BTBD8: variants seen among roughly 807,000 people sequenced by gnomAD.
The protein encoded by BTBD8 is BTB domain containing 8.
In BTBD8, 110 loss-of-function variants were observed where a neutral mutation model predicts 162.9. The observed-to-expected ratio is 0.68, with a 90% CI of 0.58 to 0.79. The LOEUF (loss-of-function observed/expected upper bound fraction) is 0.79, where lower values mean the gene tolerates loss of function less well. Among genes scored for constraint, BTBD8 ranks in the 30% least tolerant of loss-of-function variants. The pLI, the probability that BTBD8 is intolerant of heterozygous loss-of-function variation, is 0.00. For synonymous variants in BTBD8, 667 were observed against 716.1 expected, an observed-to-expected ratio of 0.93 and a Z score of 1.10; for missense variants, 1,905 against 2,085.4, an observed-to-expected ratio of 0.91 and a Z score of 1.68.
chr1:92,097,574 C>T (rs1290448911), intron 2 of BTBD8, among the ~76,000 whole-genome samples: 1 of 152,150 alleles, frequency 6.6e-6, no homozygotes, highest in Non-Finnish European at 1.5e-5. Flanking sequence ...TGGTGAACAA[C>T]CTACTTTCTG....
chr1:92,120,388 C>A (rs188679023), intron 4 of BTBD8, among the ~76,000 whole-genome samples: 4 of 152,230 alleles, frequency 2.6e-5, no homozygotes, highest in Admixed American at 2.6e-4. Flanking sequence ...TCCTAACATG[C>A]CTTCTTCTGG....
Position 92,102,535 on chromosome 1 carries a change from T to C in BTBD8, c.410T>C (p.Ile137Thr), listed in dbSNP as rs1335974976. ...NYEEEILRKK[I>T]MEIGISQKQL... ...GAAGAGGAAATTCTTAGGAAAAAGA[T>C]AATGGAGATTGGGATATCACAAAAG... The change falls in exon 3 of 18, where the codon ATA becomes ACA. Residue 137 changes from isoleucine (I) to threonine (T), a missense_variant. This residue lies in a region of BTBD8 where 1,374 missense variants were observed against 1,442.7 expected (regional missense o/e 0.95). Coordinates refer to ENST00000636805, the MANE Select transcript of BTBD8 (RefSeq NM_001376131.1). 6.3e-7 allele frequency: 1 copy of C among 1,583,620 alleles called. No individual in the cohort carries two copies. The highest frequency in any genetic ancestry group is 1.8e-5 in the Admixed American group (1 of 56,212).
intron 2 of BTBD8, among the ~76,000 whole-genome samples, chr1:92,100,611 T>C (rs1370470540): frequency 6.6e-6 from 1 of 151,998 alleles, no homozygotes; most frequent in East Asian, 1.9e-4. Flanking sequence ...ATTATTATTA[T>C]TATTATTATT....
intron 9 of BTBD8, among the ~76,000 whole-genome samples, chr1:92,166,348 T>G (rs1299899905): frequency 6.6e-6 from 1 of 152,076 alleles, no homozygotes; most frequent in Non-Finnish European, 1.5e-5. Flanking sequence ...AGTGATAATC[T>G]TAGGGAACTC....
chr1:92,085,130 A>G (rs956395759), intron 1 of BTBD8, among the ~76,000 whole-genome samples: 2 of 152,194 alleles, frequency 1.3e-5, no homozygotes, highest in African/African-American at 4.8e-5. Context: ...CTATACTATA[A>G]ACTCCCTGAG....
rs1203745183 is a variant in BTBD8, at chr1:92,080,629, G to T, written c.58G>T (p.Val20Phe). 2 of 1,613,934 alleles carry T rather than the reference G, an allele frequency of 1.2e-6. No homozygotes were observed. The highest frequency in any genetic ancestry group is 2.7e-5 in the African/African-American group (2 of 74,942). Reference sequence around the variant, plus strand: ...CATGGTACTTCTGGGGTCCGCTGGAGTTTGCAGTAAGGGGTTGCAAAGGAA... The same window carrying T: ...CATGGTACTTCTGGGGTCCGCTGGATTTTGCAGTAAGGGGTTGCAAAGGAA... ...APMVLLGSAG[V>F]CSKGLQRKGP... is the part of the protein sequence containing the mutation. Residue 20 changes from valine (V) to phenylalanine (F), a missense_variant, in exon 1 of 18, where the codon GTT becomes TTT. Coordinates refer to ENST00000636805, the MANE Select transcript of BTBD8 (RefSeq NM_001376131.1).
intron 13 of BTBD8, among the ~76,000 whole-genome samples, chr1:92,176,470 T>G (rs544777797): frequency 2.6e-5 from 4 of 152,206 alleles, no homozygotes; most frequent in Non-Finnish European, 5.9e-5. Context: ...AACATGGGAG[T>G]AAGCCTTCTA....
At position 92,109,641 on chromosome 1, in the gene BTBD8, T is replaced by A. The variant is rs184571797; in HGVS notation, c.662+1640T>A. On this transcript the variant is annotated intron_variant, in intron 4 of 17. Transcript: ENST00000636805. ...TTTCTTGCCCTTATGTAAGTTAGAA[T>A]AGCCAATTTTAAATTATAAGGTTAC... 1.9e-3 allele frequency among the ~76,000 whole-genome samples: 295 copies of A among 152,350 alleles called. 2 individuals carry two copies. In the Middle Eastern group the frequency reaches 0.037, roughly 19 times the overall value.
At chr1:92,126,353 C>A in intron 4 of BTBD8, 8 of 616,114 alleles carry the variant, frequency 1.3e-5, no homozygotes, top group South Asian at 9.5e-5. Context: ...TTGTACATGG[C>A]CCCTTGAAGT....
chr1:92,084,084 G>T (rs1372406690), intron 1 of BTBD8, among the ~76,000 whole-genome samples: 1 of 152,134 alleles, frequency 6.6e-6, no homozygotes, highest in Non-Finnish European at 1.5e-5. Flanking sequence ...AAAGAGCCAA[G>T]TTATTCCTTC....
intron 7 of BTBD8, 21 bp downstream of exon 7, chr1:92,141,232 A>C (rs1322444295): frequency 6.4e-7 from 1 of 1,569,808 alleles, no homozygotes; most frequent in Admixed American, 1.8e-5. Flanking sequence ...AGCCTCAGAA[A>C]TCTTTTATCC....
intron 4 of BTBD8, among the ~76,000 whole-genome samples, chr1:92,111,126 G>C (rs1463294394): frequency 6.6e-6 from 1 of 151,666 alleles, no homozygotes; most frequent in Non-Finnish European, 1.5e-5. Context: ...CGAGTAGCTG[G>C]GTTTACAGGC....
chr1:92,107,768 A>C (rs1329933244), intron 3 of BTBD8, 116 bp from the exon 4 acceptor site: 3 of 763,590 alleles, frequency 3.9e-6, no homozygotes, highest in Non-Finnish European at 6.2e-6. Flanking sequence ...TTTACCACTT[A>C]CATATTCCAA....
rs1402319892 is a variant in BTBD8 at position 92,107,959 on chromosome 1, A to G, written c.620A>G (p.Asp207Gly). The G allele has an allele frequency of 6.2e-7, 1 of 1,613,964 alleles. No homozygotes were observed. Among genetic ancestry groups the G allele is most frequent in the Non-Finnish European group, 8.5e-7 (1 of 1,179,978 alleles). Residue 207 changes from aspartate to glycine, a missense_variant, in exon 4 of 18, where the codon GAT becomes GGT. Asp to Gly is a moderately conservative substitution (Grantham distance 94). Coordinates refer to ENST00000636805, the MANE Select transcript of BTBD8 (RefSeq NM_001376131.1). ...LKLYVKPCCP[D>G]IDIFVDGKRF... ...CTTTATGTGAAACCTTGTTGCCCAGATATTGATATTTTTGTTGATGGAAAA... is the reference window on the plus strand; with the variant it reads ...CTTTATGTGAAACCTTGTTGCCCAGGTATTGATATTTTTGTTGATGGAAAA...
intron 4 of BTBD8, among the ~76,000 whole-genome samples, chr1:92,122,269 T>G: frequency 6.6e-6 from 1 of 151,920 alleles, no homozygotes; most frequent in East Asian, 1.9e-4. Flanking sequence ...ATTATTATTT[T>G]TTTTTTTTGA....
Position 92,080,563 on chromosome 1 carries a change from C to T in BTBD8, c.-9C>T. On this transcript the variant is annotated 5_prime_UTR_variant, in exon 1 of 18. Transcript: ENST00000636805. ...ACTGGGCCTCCAGGGCGTCGTACCT[C>T]TGTGAGACATGGCTCGCTGTGGGGA... The T allele has an allele frequency of 6.2e-7, 1 of 1,613,694 alleles. No homozygotes were observed. The highest frequency in any genetic ancestry group is 8.5e-7 in the Non-Finnish European group (1 of 1,179,846).
In BTBD8 at chr1:92,174,991, C is replaced by A. The variant is rs557078022; in HGVS notation, c.1636-1838C>A. 7.9e-5 allele frequency among the ~76,000 whole-genome samples: 12 copies of A among 152,214 alleles called. No homozygotes were observed. The South Asian group carries it at 2.5e-3, about 32-fold the overall frequency. On this transcript the variant is annotated intron_variant, in intron 13 of 17. Transcript: ENST00000636805. ...ATATTTAAAAATAGACCTTAAACTG[C>A]ATATCAAAATATGCAATATATGCCC...
chr1:92,143,511 G>GTATT (rs1247547731), intron 7 of BTBD8, among the ~76,000 whole-genome samples: 1 of 151,884 alleles, frequency 6.6e-6, no homozygotes. Context: ...ATTTACGTAT[G>GTATT]TATTTATTTA....
intron 12 of BTBD8, among the ~76,000 whole-genome samples, chr1:92,170,065 C>G (rs565168287): frequency 2.0e-5 from 3 of 152,236 alleles, no homozygotes; most frequent in South Asian, 2.1e-4. Context: ...GTCTTCAGCT[C>G]TCTTCCGATT....
Sources: allele counts gnomAD v4.1 joint callset (sites outside exome capture counted in the v4.1 genomes callset), GRCh38; gene constraint gnomAD v4.1.1; regional missense constraint gnomAD v4.1.1; transcripts MANE v1.5; gene names NCBI Gene and HGNC (gene_info 2026-07-23, HGNC 2026-07-21).